The following SCLT1 variants were observed in gnomAD, a reference collection of about 807,000 sequenced individuals.
SCLT1 encodes the protein sodium channel-associated protein 1.
Under a neutral mutation model 112.8 loss-of-function variants are expected in SCLT1, and 78 were observed. The ratio of observed to expected loss-of-function variants is 0.69; its 90% CI spans 0.58 to 0.83. The LOEUF (loss-of-function observed/expected upper bound fraction) is 0.83, where lower values mean the gene tolerates loss of function less well. Among genes scored for constraint, SCLT1 ranks in the 40% least tolerant of loss-of-function variants. The pLI is 0.00. For missense variants in SCLT1, 747 were observed against 770.4 expected, an observed-to-expected ratio of 0.97 and a Z score of 0.36; for synonymous variants, 257 against 254.7, an observed-to-expected ratio of 1.01 and a Z score of -0.09.
intron 6 of SCLT1, among the ~76,000 whole-genome samples, chr4:129,003,407 A>G (rs1333283864): frequency 6.6e-6 from 1 of 151,214 alleles, no homozygotes; most frequent in Non-Finnish European, 1.5e-5. Context: ...CGTTCTGCAC[A>G]TGTATCCTAG....
intron 14 of SCLT1, among the ~76,000 whole-genome samples, chr4:128,949,837 T>C (rs1371347884): frequency 9.2e-6 from 1 of 108,514 alleles, no homozygotes; most frequent in Admixed American, 1.1e-4. Flanking sequence ...GGGTATGGCT[T>C]TTTTTCCTCT....
intron 10 of SCLT1, among the ~76,000 whole-genome samples, chr4:128,969,299 G>A (rs1323904993): frequency 2.6e-5 from 4 of 152,038 alleles, no homozygotes; most frequent in East Asian, 1.9e-4. Flanking sequence ...CTGGCCGGGC[G>A]CGGTGGCTCA....
chr4:128,936,821 T>G lies in SCLT1; in HGVS notation c.1663A>C (p.Lys555Gln). The change falls in exon 18 of 21, where the codon AAG becomes CAG. Residue 555 changes from lysine to glutamine, a missense_variant. By Grantham distance (53) the Lys-to-Gln change is moderately conservative (BLOSUM62 1). Around this residue, in one of 2 missense-constraint regions of SCLT1, gnomAD observed 723 missense variants for 721.3 expected, o/e 1.00. Coordinates refer to ENST00000281142, the MANE Select transcript of SCLT1 (RefSeq NM_144643.4). ...AATTGAACTTCAAATCCACGTTCCT[T>G]TATTGAAAATTCATGTTCCATTGTA... Reference protein sequence around the residue: ...ISTMEHEFSIKERGFEVQLRE... With the variant: ...ISTMEHEFSIQERGFEVQLRE... 1 of 1,585,932 alleles carries G rather than the reference T, an allele frequency of 6.3e-7. No homozygotes were observed. The highest frequency in any genetic ancestry group is 8.6e-7 in the Non-Finnish European group (1 of 1,162,154).
chr4:128,938,351 A>G (rs908508618), intron 17 of SCLT1, among the ~76,000 whole-genome samples: 2 of 152,218 alleles, frequency 1.3e-5, no homozygotes, highest in Non-Finnish European at 2.9e-5. Context: ...CACCCCTGCT[A>G]AATGCAAAAT....
intron 20 of SCLT1, among the ~76,000 whole-genome samples, chr4:128,886,826 A>G (rs941904259): frequency 8.5e-5 from 13 of 152,326 alleles, no homozygotes; most frequent in African/African-American, 2.9e-4. Flanking sequence ...CTAGATGCTA[A>G]CTGGTTATAT....
intron 2 of SCLT1, among the ~76,000 whole-genome samples, chr4:129,047,184 T>C (rs1481209022): frequency 6.6e-6 from 1 of 152,108 alleles, no homozygotes; most frequent in Non-Finnish European, 1.5e-5. Context: ...GTTTAAGCCA[T>C]CCTGCCTATT....
intron 18 of SCLT1, among the ~76,000 whole-genome samples, chr4:128,912,393 G>A (rs745586647): frequency 6.6e-6 from 1 of 151,946 alleles, no homozygotes; most frequent in African/African-American, 2.4e-5. Context: ...CCTTTGTAAC[G>A]TATTTTTTCA....
chr4:129,018,163 G>A (rs537969968), intron 5 of SCLT1, among the ~76,000 whole-genome samples: 6 of 152,208 alleles, frequency 3.9e-5, no homozygotes, highest in Non-Finnish European at 8.8e-5. Context: ...GATGCCTCAG[G>A]CACTGCCTTT....
chr4:129,025,106 C>A (rs1289238083), intron 5 of SCLT1, among the ~76,000 whole-genome samples: 1 of 152,132 alleles, frequency 6.6e-6, no homozygotes, highest in African/African-American at 2.4e-5. Flanking sequence ...GAGAATGGAA[C>A]CAAGTTGGAA....
intron 18 of SCLT1, among the ~76,000 whole-genome samples, chr4:128,898,655 G>A (rs550540226): frequency 5.3e-4 from 81 of 152,256 alleles, no homozygotes; most frequent in African/African-American, 2.0e-3. Context: ...CTAGCAGATG[G>A]CAAGAAATAA....
chr4:129,024,456 T>C (rs1745821974), intron 5 of SCLT1, among the ~76,000 whole-genome samples: 1 of 152,196 alleles, frequency 6.6e-6, no homozygotes, highest in Non-Finnish European at 1.5e-5. Context: ...AATGGACCTC[T>C]AGGAAACTCC....
At chr4:129,092,933 T>C in intron 1 of SCLT1, 137 bp downstream of exon 1, 1 of 682,544 alleles carries the variant, frequency 1.5e-6, no homozygotes, top group Non-Finnish European at 2.6e-6. Context: ...ACATCAAGGT[T>C]TTTTTTTTCC....
At chr4:128,997,785 C>A in intron 8 of SCLT1, 89 bp downstream of exon 8, 1 of 602,226 alleles carries the variant, frequency 1.7e-6, no homozygotes, top group South Asian at 2.9e-5. Context: ...TAATTTCGTG[C>A]AGCATGCTTA....
chr4:128,972,431 G>GA (rs35226039), intron 9 of SCLT1: 33,106 of 135,970 alleles, frequency 0.24, 4,274 homozygotes, highest in East Asian at 0.31. Flanking sequence ...CATGATCAAG[G>GA]AAAAAAAAAA....
chr4:128,898,780 G>C (rs960135023), intron 18 of SCLT1, among the ~76,000 whole-genome samples: 1 of 152,088 alleles, frequency 6.6e-6, no homozygotes, highest in African/African-American at 2.4e-5. Context: ...CCGCTAGCAA[G>C]ACTAATGAAG....
downstream of SCLT1, among the ~76,000 whole-genome samples, chr4:128,883,634 C>A (rs1732702115): frequency 6.6e-6 from 1 of 152,174 alleles, no homozygotes; most frequent in South Asian, 2.1e-4. Flanking sequence ...GGCTGAATAT[C>A]TACACGTGAA....
At chr4:128,933,904 A>C (rs1299064373) in intron 18 of SCLT1, among the ~76,000 whole-genome samples, 4 of 152,036 alleles carry the variant, frequency 2.6e-5, no homozygotes, top group Non-Finnish European at 5.9e-5. Context: ...GAAACAGTTT[A>C]TGATTTCTTG....
chr4:128,901,911 G>C (rs1214990944), intron 18 of SCLT1, among the ~76,000 whole-genome samples: 1 of 151,902 alleles, frequency 6.6e-6, no homozygotes, highest in Non-Finnish European at 1.5e-5. Flanking sequence ...AGTGGAATAG[G>C]AACTTTTTTT....
At chr4:128,902,915 C>G (rs1734432396) in intron 18 of SCLT1, among the ~76,000 whole-genome samples, 1 of 152,064 alleles carries the variant, frequency 6.6e-6, no homozygotes, top group South Asian at 2.1e-4. Flanking sequence ...TACACAGGGT[C>G]AGGATTATCA....
Sources: allele counts gnomAD v4.1 joint callset (sites outside exome capture counted in the v4.1 genomes callset), GRCh38; gene constraint gnomAD v4.1.1; regional missense constraint gnomAD v4.1.1; transcripts MANE v1.5; gene names NCBI Gene and HGNC (gene_info 2026-07-23, HGNC 2026-07-21).